SNX19: variants seen among roughly 807,000 people sequenced by gnomAD.
SNX19 encodes the protein sorting nexin-19.
Under a neutral mutation model 85.2 loss-of-function variants are expected in SNX19, and 60 were observed. The ratio of observed to expected loss-of-function variants is 0.70; its 90% CI spans 0.57 to 0.87. The LOEUF is 0.87. Ranked by LOEUF, SNX19 falls within the 40% of genes least tolerant of loss-of-function variation. The probability of loss-of-function intolerance (pLI) is 0.00; values close to 1 mark genes in which losing one functional copy is unlikely to be tolerated. For synonymous variants in SNX19, 520 were observed against 470.0 expected (o/e 1.11, Z -1.38); for missense variants, 1,201 against 1,217.8 (o/e 0.99, Z 0.21).
intron 3 of SNX19, 37 bp downstream of exon 3, chr11:130,910,233 T>A (rs1368705424): frequency 9.9e-6 from 16 of 1,612,792 alleles, no homozygotes; most frequent in Non-Finnish European, 1.4e-5. Context: ...ACACCCAGGT[T>A]AAAGTGAGAA....
At chr11:130,911,307 T>A (rs1176765679) in intron 2 of SNX19, 3 of 383,236 alleles carry the variant, frequency 7.8e-6, no homozygotes, top group Non-Finnish European at 1.2e-5. Context: ...TTTTAATATT[T>A]AAGAACCACC....
At chr11:130,897,967 C>T (rs962844710) in intron 8 of SNX19, among the ~76,000 whole-genome samples, 4 of 152,112 alleles carry the variant, frequency 2.6e-5, no homozygotes, top group Admixed American at 6.5e-5. Context: ...TGAGGTTAGG[C>T]GCACATGCAT....
intron 8 of SNX19, among the ~76,000 whole-genome samples, chr11:130,898,119 T>C (rs1443225369): frequency 6.6e-6 from 1 of 151,348 alleles, no homozygotes; most frequent in African/African-American, 2.4e-5. Flanking sequence ...AACTTTGGCT[T>C]AGAAGGAGGG....
intron 8 of SNX19, 66 bp downstream of exon 8, chr11:130,903,189 T>C: frequency 6.2e-7 from 1 of 1,601,834 alleles, no homozygotes; most frequent in Non-Finnish European, 8.5e-7. Flanking sequence ...TGGACACTAT[T>C]CAGCATCACA....
chr11:130,915,873 G>C lies in SNX19; in HGVS notation c.67C>G (p.Leu23Val), dbSNP rs990566281. The C allele has an allele frequency of 2.5e-6, 4 of 1,614,104 alleles. No individual in the cohort carries two copies. In the African/African-American group the frequency reaches 4.0e-5, roughly 16 times the overall value. ...GCCATCAGCTTCCGGCTACTCAACA[G>C]GTTATTGAGGTGACAGCTCGATCCA... The part of the protein sequence containing the change: ...PAGSSCHLNN[L>V]LSSRKLMAVG... Residue 23 changes from leucine (L) to valine (V), a missense_variant, in exon 1 of 11, where the codon CTG (leucine) becomes GTG (valine). Around this residue, in one of 3 missense-constraint regions of SNX19, gnomAD observed 791 missense variants for 750.9 expected, o/e 1.05. Coordinates refer to ENST00000265909, the MANE Select transcript of SNX19 (RefSeq NM_014758.3).
Position 130,915,222 on chromosome 11 carries a change from C to A in SNX19, c.718G>T (p.Glu240Ter). ...AAGATTACATTGCATGTGATGAGTT[C>A]GACCACTACATGGCGTCCGGTACGA... Reference protein sequence around the residue: ...ETRTGRHVVVELITCNVILPL... With the variant: ...ETRTGRHVVV Residue 240 changes from glutamate (E) to a stop codon, truncating the protein, a stop_gained, in exon 1 of 11, where the codon GAA becomes TAA. Transcript: ENST00000265909. LOFTEE classifies it high-confidence loss of function. 1 of 1,614,232 alleles carries A rather than the reference C, an allele frequency of 6.2e-7. No homozygotes were observed. Among genetic ancestry groups the A allele is most frequent in the Non-Finnish European group, 8.5e-7 (1 of 1,180,050 alleles).
chr11:130,909,895 C>T (rs763587716), intron 4 of SNX19, 123 bp downstream of exon 4: 20 of 1,257,932 alleles, frequency 1.6e-5, no homozygotes, highest in African/African-American at 3.0e-5. Flanking sequence ...GTTCTATTGA[C>T]GGCTCTGTGC....
chr11:130,909,023 G>A (rs966297356), intron 4 of SNX19, among the ~76,000 whole-genome samples: 4 of 152,206 alleles, frequency 2.6e-5, no homozygotes, highest in African/African-American at 9.7e-5. Context: ...ACCAGGGAAA[G>A]AACACTTGAG....
chr11:130,876,428 TATATA>T lies in SNX19; in HGVS notation c.*1989_*1993del, dbSNP rs1338442125. ...TACGTGGAGTAGAGGTGGGGACTCT[TATATA>T]ATACGAAATAAAAATAAGTTCTTTG... On this transcript the variant is annotated 3_prime_UTR_variant, in exon 11 of 11. Coordinates refer to ENST00000265909, the MANE Select transcript of SNX19 (RefSeq NM_014758.3). 1.3e-5 allele frequency: 2 copies of T among 152,756 alleles called. No individual in the cohort carries two copies. The highest frequency in any genetic ancestry group is 2.1e-4 in the South Asian group (1 of 4,828). 9.5% of individuals were successfully genotyped at this position (152,756 alleles called of 1,614,324 possible). A position where few individuals can be genotyped will look rare whatever the true frequency, so the allele number is the denominator to read the frequency against.
rs562724179 is a variant in SNX19, at chr11:130,868,186, C to G, written c.*10236G>C. 1.3e-5 allele frequency: 2 copies of G among 152,270 alleles called. No homozygotes were observed. The highest frequency in any genetic ancestry group is 4.8e-5 in the African/African-American group (2 of 41,528). The allele number at this position is 152,270 out of a possible 1,614,324, so 9.4% of individuals were successfully genotyped here. A position where few individuals can be genotyped will look rare whatever the true frequency, so the allele number is the denominator to read the frequency against. ...GCTGATTTTTCACTTCTCATGCCTT[C>G]CCTTTTCACACACTGGGGGCAGACA... is the stretch of plus-strand genomic sequence containing the variant. On this transcript the variant is annotated 3_prime_UTR_variant, in exon 11 of 11. Coordinates refer to ENST00000265909, the MANE Select transcript of SNX19 (RefSeq NM_014758.3).
Position 130,914,538 on chromosome 11 carries a change from A to C in SNX19, c.1402T>G (p.Leu468Val), listed in dbSNP as rs139918381. ...CAGGTCTTTTCTGGCCCCTCCAGCA[A>C]AGCTGTAACAGAGGCGGTAACATCT... ...QGDVTASVTA[L>V]LEGPEKTCPS... The change falls in exon 1 of 11, where the codon TTG (leucine) becomes GTG (valine). Residue 468 changes from leucine (L) to valine (V), a missense_variant. By Grantham distance (32) the Leu-to-Val change is conservative. Coordinates refer to ENST00000265909, the MANE Select transcript of SNX19 (RefSeq NM_014758.3). 1 of 1,613,952 alleles carries C rather than the reference A, an allele frequency of 6.2e-7. No individual in the cohort carries two copies. Among genetic ancestry groups the C allele is most frequent in the Non-Finnish European group, 8.5e-7 (1 of 1,179,862 alleles).
At chr11:130,906,811 A>C in intron 5 of SNX19, 90 bp from the exon 6 acceptor site, 1 of 904,614 alleles carries the variant, frequency 1.1e-6, no homozygotes, top group Non-Finnish European at 1.8e-6. Flanking sequence ...ATAAAACACA[A>C]CAAGAATATC....
rs1047791282 is a variant in SNX19 at position 130,872,382 on chromosome 11, G to A, written c.*6040C>T. On this transcript the variant is annotated 3_prime_UTR_variant, in exon 11 of 11. Transcript: ENST00000265909. ...TGGCTTTACACACTGTTGCTACCAA[G>A]TCACAGAAGGAAAAAGATTCTGATG... Among the ~76,000 whole-genome samples, 5 of 152,000 alleles carry A rather than the reference G, an allele frequency of 3.3e-5. No individual in the cohort carries two copies. Among genetic ancestry groups the A allele is most frequent in the African/African-American group, 1.2e-4 (5 of 41,390 alleles).
intron 8 of SNX19, among the ~76,000 whole-genome samples, chr11:130,891,015 C>A (rs1416645360): frequency 6.6e-6 from 1 of 151,670 alleles, no homozygotes; most frequent in Non-Finnish European, 1.5e-5. Flanking sequence ...TAAAGCATGG[C>A]ACACAGTTCA....
intron 8 of SNX19, among the ~76,000 whole-genome samples, chr11:130,896,051 A>G (rs1944854011): frequency 6.6e-6 from 1 of 152,224 alleles, no homozygotes; most frequent in African/African-American, 2.4e-5. Flanking sequence ...CAATGAGAAA[A>G]ATTAATTTCA....
At position 130,911,640 on chromosome 11, in the gene SNX19, G is replaced by T. The variant is rs1320704458; in HGVS notation, c.1806C>A (p.Phe602Leu). Reference protein sequence around the residue: ...RLEEKPDLRKFIKNVKGPKKL... With the variant: ...RLEEKPDLRKLIKNVKGPKKL... ...GTTGGGGAAACTCCTGACTTTTGATGAACTTTCGTAGATCTGGTTTCTCCT... is the reference window on the plus strand; with the variant it reads ...GTTGGGGAAACTCCTGACTTTTGATTAACTTTCGTAGATCTGGTTTCTCCT... The change falls in exon 2 of 11, where the codon TTC becomes TTA. Residue 602 changes from phenylalanine to leucine, a missense_variant. Physicochemically the swap from Phe to Leu is conservative, Grantham distance 22. Coordinates refer to ENST00000265909, the MANE Select transcript of SNX19 (RefSeq NM_014758.3). 1.9e-6 allele frequency: 3 copies of T among 1,614,104 alleles called. No individual in the cohort carries two copies. The highest frequency in any genetic ancestry group is 2.5e-6 in the Non-Finnish European group (3 of 1,180,020).
At chr11:130,878,993 G>A (rs1242299435) in intron 10 of SNX19, among the ~76,000 whole-genome samples, 1 of 152,178 alleles carries the variant, frequency 6.6e-6, no homozygotes, top group Non-Finnish European at 1.5e-5. Context: ...CTACTTTGGG[G>A]TAGGGTTTGA....
At chr11:130,911,588 G>C (rs756570884) in intron 2 of SNX19, 45 bp downstream of exon 2, 2 of 1,611,564 alleles carry the variant, frequency 1.2e-6, no homozygotes, top group Admixed American at 1.7e-5. Context: ...AGCGTGGCTC[G>C]ACGTGGGAAG....
Position 130,878,543 on chromosome 11 carries a change from T to G in SNX19, c.2858A>C (p.Tyr953Ser), listed in dbSNP as rs1275302168. Residue 953 changes from tyrosine (Y) to serine (S), a missense_variant, in exon 11 of 11, where the codon TAC (tyrosine) becomes TCC (serine). By Grantham distance (144) the Tyr-to-Ser change is moderately radical (BLOSUM62 -2). Around this residue, in one of 3 missense-constraint regions of SNX19, gnomAD observed 285 missense variants for 295.3 expected, o/e 0.97. Coordinates refer to ENST00000265909, the MANE Select transcript of SNX19 (RefSeq NM_014758.3). ...QQPLINRHLI[Y>S]CLGDIILEFL... ...TTCCAGGATGATGTCCCCAAGGCAG[T>G]AAATCAAATGCCTGAAACGAATGGA... The G allele has an allele frequency of 6.2e-7, 1 of 1,612,408 alleles. No individual in the cohort carries two copies. The highest frequency in any genetic ancestry group is 8.5e-7 in the Non-Finnish European group (1 of 1,179,210).
Sources: allele counts gnomAD v4.1 joint callset (sites outside exome capture counted in the v4.1 genomes callset), GRCh38; gene constraint gnomAD v4.1.1; regional missense constraint gnomAD v4.1.1; transcripts MANE v1.5; gene names NCBI Gene and HGNC (gene_info 2026-07-23, HGNC 2026-07-21).